CSMD2: variants seen among roughly 807,000 people sequenced by gnomAD.
CSMD2 encodes the protein CUB and sushi domain-containing protein 2.
In CSMD2, 130 loss-of-function variants were observed where a neutral mutation model predicts 398.5. The observed-to-expected ratio is 0.33, with a 90% confidence interval of 0.28 to 0.38. The LOEUF is 0.38. CSMD2 is among the 10% of genes least tolerant of loss of function. CSMD2 has a pLI of 1.00. For synonymous variants in CSMD2, 1,828 were observed against 1,908.5 expected, an observed-to-expected ratio of 0.96 and a Z score of 1.10; for missense variants, 3,829 against 4,764.9, an observed-to-expected ratio of 0.80 and a Z score of 5.78.
intron 29 of CSMD2, among the ~76,000 whole-genome samples, chr1:33,639,734 C>T (rs1015967095): frequency 6.6e-6 from 1 of 152,186 alleles, no homozygotes. Flanking sequence ...AGACTCTATT[C>T]TATATTTACT....
intron 13 of CSMD2, chr1:33,772,167 G>C (rs1165352886): frequency 3.7e-5 from 6 of 160,824 alleles, no homozygotes; most frequent in Non-Finnish European, 2.7e-5. Context: ...ACTGGAGGCT[G>C]GTGGTGTCTA....
chr1:33,872,350 G>A (rs1309814279), intron 5 of CSMD2, among the ~76,000 whole-genome samples: 1 of 152,194 alleles, frequency 6.6e-6, no homozygotes, highest in East Asian at 1.9e-4. Flanking sequence ...CTAAAATTAA[G>A]AAATGGCATT....
At chr1:33,677,539 A>T (rs1164513996) in intron 25 of CSMD2, among the ~76,000 whole-genome samples, 2 of 152,200 alleles carry the variant, frequency 1.3e-5, no homozygotes, top group Non-Finnish European at 2.9e-5. Context: ...CCATTGTGGA[A>T]GTCAGTGTGG....
intron 1 of CSMD2, among the ~76,000 whole-genome samples, chr1:34,132,446 A>G (rs141674206): frequency 2.4e-4 from 37 of 151,768 alleles, no homozygotes; most frequent in African/African-American, 8.7e-4. Context: ...GACCTCCCCC[A>G]GGTGTAGTTA....
chr1:33,826,409 G>T (rs1244420940), intron 6 of CSMD2, among the ~76,000 whole-genome samples: 1 of 152,176 alleles, frequency 6.6e-6, no homozygotes, highest in Non-Finnish European at 1.5e-5. Context: ...GCCAGATTAG[G>T]CTTGGCCTCT....
intron 1 of CSMD2, among the ~76,000 whole-genome samples, chr1:34,100,953 G>T (rs1659880725): frequency 6.6e-6 from 1 of 152,160 alleles, no homozygotes; most frequent in Non-Finnish European, 1.5e-5. Context: ...CTCAGGGATG[G>T]CTAGAAAGGG....
chr1:33,754,810 T>C (rs1648766066), intron 13 of CSMD2, among the ~76,000 whole-genome samples: 1 of 152,086 alleles, frequency 6.6e-6, no homozygotes, highest in Non-Finnish European at 1.5e-5. Context: ...TCATCTCTTA[T>C]AAAAGGTGGG....
intron 3 of CSMD2, among the ~76,000 whole-genome samples, chr1:33,973,712 G>A (rs1645854875): frequency 6.6e-6 from 1 of 152,160 alleles, no homozygotes; most frequent in Non-Finnish European, 1.5e-5. Context: ...GCTGGCTGGG[G>A]AGACAGGACT....
At chr1:34,027,808 T>C (rs1210223164) in intron 3 of CSMD2, among the ~76,000 whole-genome samples, 1 of 152,168 alleles carries the variant, frequency 6.6e-6, no homozygotes, top group Non-Finnish European at 1.5e-5. Context: ...TCTAAATGTA[T>C]ATTCATTGGA....
At chr1:33,975,486 T>TATACACACACACACACACAC (rs145373689) in intron 3 of CSMD2, among the ~76,000 whole-genome samples, 4 of 146,360 alleles carry the variant, frequency 2.7e-5, no homozygotes, top group African/African-American at 5.0e-5. Flanking sequence ...CTCCCAAGTG[T>TATACACACACACACACACAC]ACACACACAC....
intron 2 of CSMD2, among the ~76,000 whole-genome samples, chr1:34,060,883 C>T (rs1654414221): frequency 6.6e-6 from 1 of 152,114 alleles, no homozygotes; most frequent in Non-Finnish European, 1.5e-5. Flanking sequence ...CTGTTCCTCC[C>T]CTAGCCATGC....
intron 3 of CSMD2, among the ~76,000 whole-genome samples, chr1:33,961,212 T>C (rs1645347383): frequency 6.6e-6 from 1 of 152,154 alleles, no homozygotes; most frequent in Non-Finnish European, 1.5e-5. Flanking sequence ...CATCAGTGGG[T>C]GTCGAAGGCT....
intron 42 of CSMD2, 37 bp downstream of exon 42, chr1:33,605,245 C>G: frequency 6.3e-7 from 1 of 1,595,556 alleles, no homozygotes; most frequent in Non-Finnish European, 8.6e-7. Context: ...CCACGAGTAC[C>G]CCAGGAAGAA....
At chr1:33,526,272 T>C (rs1276274573) in intron 65 of CSMD2, among the ~76,000 whole-genome samples, 1 of 152,158 alleles carries the variant, frequency 6.6e-6, no homozygotes, top group Non-Finnish European at 1.5e-5. Flanking sequence ...CATGTCAGTA[T>C]AGCATGGTGA....
In CSMD2 at chr1:33,515,913, C is replaced by A. The variant is rs1299416648; in HGVS notation, c.*711G>T. The A allele has an allele frequency of 7.9e-5, 12 of 152,168 alleles. No homozygotes were observed. Among genetic ancestry groups the A allele is most frequent in the Admixed American group, 5.2e-4 (8 of 15,286 alleles). The allele number at this position is 152,168 out of a possible 1,614,324, so 9.4% of individuals were successfully genotyped here. On this transcript the variant is annotated 3_prime_UTR_variant, in exon 71 of 71. Coordinates refer to ENST00000373381, the MANE Select transcript of CSMD2 (RefSeq NM_001281956.2). ...ACTTTTTAATCCACTGGGTTTAGAA[C>A]TCAATAAAACAGTGTTTGAAAAAAA...
chr1:33,539,312 G>A (rs12729472), intron 60 of CSMD2, among the ~76,000 whole-genome samples: 29,953 of 152,080 alleles, frequency 0.2, 3,135 homozygotes, highest in East Asian at 0.34. Context: ...TGCTTCTAAC[G>A]TGATTAAGTT....
In CSMD2 at chr1:34,068,880, G is replaced by A. The variant is rs559566261; in HGVS notation, c.404+20097C>T. Among the ~76,000 whole-genome samples, 16 of 152,334 alleles carry A rather than the reference G, an allele frequency of 1.1e-4. 1 individual carries two copies. In the South Asian group the frequency reaches 2.3e-3, roughly 22 times the overall value. On this transcript the variant is annotated intron_variant, in intron 2 of 70. Transcript: ENST00000373381. The stretch of plus-strand genomic sequence containing the variant: ...TTGCTCTTTGCCTGCTGCCATCCAT[G>A]TAAGATGTGACTTGCTCCTCCTTGC...
intron 4 of CSMD2, among the ~76,000 whole-genome samples, chr1:33,930,754 C>T (rs183927767): frequency 3.9e-4 from 59 of 152,320 alleles, no homozygotes; most frequent in African/African-American, 1.3e-3. Context: ...CTTTTGAAAA[C>T]GTGCCCAGTG....
At chr1:33,849,700 G>A (rs1266782248) in intron 5 of CSMD2, among the ~76,000 whole-genome samples, 1 of 151,768 alleles carries the variant, frequency 6.6e-6, no homozygotes, top group Non-Finnish European at 1.5e-5. Flanking sequence ...AGGCCAAGCG[G>A]GGAGGATTGC....
Sources: gnomAD v4.1 joint callset for allele counts (sites outside exome capture counted in the v4.1 genomes callset) on GRCh38, gnomAD v4.1.1 for gene constraint, MANE v1.5 for transcripts, NCBI Gene and HGNC (gene_info 2026-07-23, HGNC 2026-07-21) for gene names.